CDK5RAP2: variants seen among roughly 807,000 people sequenced by gnomAD.
The protein encoded by CDK5RAP2 is CDK5 regulatory subunit associated protein 2, also known as CDK5 regulatory subunit-associated protein 2.
Under a neutral mutation model 232.9 loss-of-function variants are expected in CDK5RAP2, and 147 were observed. The observed-to-expected ratio is 0.63, with a 90% confidence interval of 0.55 to 0.72. CDK5RAP2 has a LOEUF of 0.72. Among genes scored for constraint, CDK5RAP2 ranks in the 30% least tolerant of loss-of-function variants. The pLI is 0.00. For synonymous variants in CDK5RAP2, 833 were observed against 833.7 expected (o/e 1.00, Z 0.01); for missense variants, 2,195 against 2,231.5 (o/e 0.98, Z 0.33).
intron 3 of CDK5RAP2, among the ~76,000 whole-genome samples, chr9:120,555,029 A>G (rs2042173955): frequency 6.6e-6 from 1 of 152,112 alleles, no homozygotes; most frequent in Non-Finnish European, 1.5e-5. Context: ...AATGAATGGA[A>G]AGATAGAAAG....
At chr9:120,479,889 G>A (rs1024905565) in intron 14 of CDK5RAP2, among the ~76,000 whole-genome samples, 1 of 152,170 alleles carries the variant, frequency 6.6e-6, no homozygotes, top group African/African-American at 2.4e-5. Context: ...CTAATTTCCT[G>A]GTTGTAGTGG....
At chr9:120,530,529 T>C (rs1360294565) in intron 7 of CDK5RAP2, among the ~76,000 whole-genome samples, 4 of 152,066 alleles carry the variant, frequency 2.6e-5, no homozygotes, top group Admixed American at 1.3e-4. Flanking sequence ...TTCCGATAAG[T>C]GTGGAAAAAA....
intron 12 of CDK5RAP2, among the ~76,000 whole-genome samples, chr9:120,512,028 G>A (rs527473794): frequency 2.3e-4 from 35 of 151,030 alleles, no homozygotes; most frequent in African/African-American, 5.6e-4. Context: ...GTGAGCCACC[G>A]CGCCCGGCCA....
At chr9:120,416,262 G>C (rs1316895742) in intron 27 of CDK5RAP2, among the ~76,000 whole-genome samples, 1 of 152,172 alleles carries the variant, frequency 6.6e-6, no homozygotes, top group Non-Finnish European at 1.5e-5. Flanking sequence ...CAAGCCCCCA[G>C]TTGTTTCACC....
rs2033692520 is a variant in CDK5RAP2 at position 120,409,243 on chromosome 9, C to T, written c.4488G>A (p.Arg1496=). ...TTTCTTCCTTCACGCTGGCATACTC[C>T]CGCTGAAGGTGCTCCAGGCTCACGG... ...RKTVSLEHLQ[R]EYASVKEENE... is the part of the protein sequence containing the mutation. The change falls in exon 30 of 38, where the codon CGG becomes CGA. Residue 1496 remains arginine, a synonymous_variant. Coordinates refer to ENST00000349780, the MANE Select transcript of CDK5RAP2 (RefSeq NM_018249.6). 6.2e-7 allele frequency: 1 copy of T among 1,613,874 alleles called. No homozygotes were observed. The highest frequency in any genetic ancestry group is 8.5e-7 in the Non-Finnish European group (1 of 1,179,920).
At chr9:120,537,914 G>T (rs1350522690) in intron 6 of CDK5RAP2, among the ~76,000 whole-genome samples, 4 of 152,256 alleles carry the variant, frequency 2.6e-5, no homozygotes, top group African/African-American at 9.6e-5. Context: ...AGAAGCTCAG[G>T]GTAGGCAAAT....
chr9:120,502,625 C>A (rs962521772), intron 12 of CDK5RAP2, among the ~76,000 whole-genome samples: 4 of 152,218 alleles, frequency 2.6e-5, no homozygotes, highest in Non-Finnish European at 5.9e-5. Context: ...TGACCTGTTA[C>A]AGAATTCCAC....
At chr9:120,399,507 T>C (rs2032808234) in intron 35 of CDK5RAP2, among the ~76,000 whole-genome samples, 2 of 152,226 alleles carry the variant, frequency 1.3e-5, no homozygotes, top group Admixed American at 6.5e-5. Flanking sequence ...GAGGATGCTA[T>C]GATGGAGGAA....
rs570029967 is a variant in CDK5RAP2, at chr9:120,435,054, A to C, written c.3955+2241T>G. Among the ~76,000 whole-genome samples the C allele has an allele frequency of 8.5e-5, 13 of 152,278 alleles. No homozygotes were observed. In the South Asian group the frequency reaches 2.7e-3, roughly 32 times the overall value. ...TAAATCAATAAAAATAGGGTAGAAA[A>C]CTCTAAAATTGAATACAAATAAAAA... is the stretch of plus-strand genomic sequence containing the variant. On this transcript the variant is annotated intron_variant, in intron 25 of 37. Transcript: ENST00000349780.
chr9:120,448,005 T>C lies in CDK5RAP2; in HGVS notation c.2915A>G (p.Gln972Arg). 6.2e-7 allele frequency: 1 copy of C among 1,614,124 alleles called. No individual in the cohort carries two copies. The highest frequency in any genetic ancestry group is 1.1e-5 in the South Asian group (1 of 91,084). Residue 972 changes from glutamine (Q) to arginine (R), a missense_variant, in exon 22 of 38, where the codon CAG (glutamine) becomes CGG (arginine). By Grantham distance (43) the Gln-to-Arg change is conservative (BLOSUM62 1). Coordinates refer to ENST00000349780, the MANE Select transcript of CDK5RAP2 (RefSeq NM_018249.6). Reference protein sequence around the residue: ...TQLQSQILELQGELKEFKTCN... With the variant: ...TQLQSQILELRGELKEFKTCN... ...AGTTTTAAACTCCTTCAGCTCCCCC[T>C]GCAGCTCCAAGATCTGGCTCTGCAG...
In CDK5RAP2 at chr9:120,419,902, C is replaced by T; in HGVS notation, c.4063G>A (p.Ala1355Thr). 5 of 1,613,994 alleles carry T rather than the reference C, an allele frequency of 3.1e-6. No individual in the cohort carries two copies. Among genetic ancestry groups the T allele is most frequent in the Non-Finnish European group, 4.2e-6 (5 of 1,179,842 alleles). The change falls in exon 27 of 38, where the codon GCC (alanine) becomes ACC (threonine). Residue 1355 changes from alanine (A) to threonine (T), a missense_variant. Physicochemically the swap from Ala to Thr is moderately conservative, Grantham distance 58 (BLOSUM62 0). Coordinates refer to ENST00000349780, the MANE Select transcript of CDK5RAP2 (RefSeq NM_018249.6). The part of the protein sequence containing the change: ...HLLPESPEPS[A>T]SHALSDYETS... Reference sequence around the variant, plus strand: ...TCATAATCAGAGAGCGCATGAGAGGCTGAAGGCTCAGGAGATTCAGGCAGA... The same window carrying T: ...TCATAATCAGAGAGCGCATGAGAGGTTGAAGGCTCAGGAGATTCAGGCAGA...
At chr9:120,497,420 T>TAAAA (rs1564300312) in intron 12 of CDK5RAP2, among the ~76,000 whole-genome samples, 1 of 22,212 alleles carries the variant, frequency 4.5e-5, no homozygotes, top group Non-Finnish European at 1.5e-4. Flanking sequence ...AAAAATAAAT[T>TAAAA]TAAAAAAAAA....
intron 12 of CDK5RAP2, among the ~76,000 whole-genome samples, chr9:120,495,801 T>TG (rs1339681925): frequency 8.7e-5 from 2 of 22,894 alleles, no homozygotes; most frequent in Admixed American, 3.6e-4. Flanking sequence ...GGGAGGGAGG[T>TG]GGGGGGGTCA....
intron 14 of CDK5RAP2, among the ~76,000 whole-genome samples, chr9:120,484,854 A>C (rs116812739): frequency 0.016 from 2,408 of 152,038 alleles, 79 homozygotes; most frequent in African/African-American, 0.055. Flanking sequence ...AGCTGGGACT[A>C]TAGGCGTGCA....
intron 32 of CDK5RAP2, among the ~76,000 whole-genome samples, chr9:120,405,822 C>T (rs540385331): frequency 6.6e-6 from 1 of 152,146 alleles, no homozygotes; most frequent in Non-Finnish European, 1.5e-5. Context: ...TGAGAATAGC[C>T]TGCAAACAAT....
At chr9:120,496,823 C>G (rs1407723915) in intron 12 of CDK5RAP2, among the ~76,000 whole-genome samples, 3 of 139,744 alleles carry the variant, frequency 2.1e-5, no homozygotes, top group African/African-American at 9.0e-5. Context: ...GCCGCCCCGT[C>G]CGGGAGGTGA....
chr9:120,435,536 C>T (rs960695554), intron 25 of CDK5RAP2, among the ~76,000 whole-genome samples: 7 of 151,896 alleles, frequency 4.6e-5, no homozygotes, highest in South Asian at 2.1e-4. Context: ...ATGATACCCT[C>T]GTAGCAATGA....
chr9:120,580,100 C>G lies in CDK5RAP2; in HGVS notation c.-122G>C, dbSNP rs2043190579. 3.3e-6 allele frequency: 2 copies of G among 605,284 alleles called. No homozygotes were observed. Among genetic ancestry groups the G allele is most frequent in the Non-Finnish European group, 6.0e-6 (2 of 334,114 alleles). The allele number at this position is 605,284 out of a possible 1,614,324, so 37.5% of individuals were successfully genotyped here. A position where few individuals can be genotyped will look rare whatever the true frequency, so the allele number is the denominator to read the frequency against. ...CTCCACCCCAGCTCTTGTTCAGACT[C>G]TGGCGGCGCCGCTGGAATTCAAACC... On this transcript the variant is annotated 5_prime_UTR_variant, in exon 1 of 38. Coordinates refer to ENST00000349780, the MANE Select transcript of CDK5RAP2 (RefSeq NM_018249.6).
chr9:120,487,156 C>T (rs565442402), intron 14 of CDK5RAP2, 138 bp downstream of exon 14: 20 of 884,752 alleles, frequency 2.3e-5, no homozygotes, highest in Admixed American at 1.0e-4. Flanking sequence ...GCTAAGAACT[C>T]CTCCTCCTAC....
Sources: gnomAD v4.1 joint callset for allele counts (sites outside exome capture counted in the v4.1 genomes callset) on GRCh38, gnomAD v4.1.1 for gene constraint, MANE v1.5 for transcripts, NCBI Gene and HGNC (gene_info 2026-07-23, HGNC 2026-07-21) for gene names.